The following IPO7 variants were observed in gnomAD, a reference collection of about 807,000 sequenced individuals.
The protein encoded by IPO7 is importin-7.
A neutral mutation model predicts 136.4 loss-of-function variants in IPO7; 13 were observed. That is an observed-to-expected ratio of 0.10 (90% CI 0.06 to 0.15). The LOEUF (loss-of-function observed/expected upper bound fraction) is 0.15, where lower values mean the gene tolerates loss of function less well. Ranked by LOEUF, IPO7 falls within the 10% of genes least tolerant of loss-of-function variation. IPO7 has a pLI of 1.00. For missense variants in IPO7, 857 were observed against 1,240.6 expected, an observed-to-expected ratio of 0.69 and a Z score of 4.65; for synonymous variants, 403 against 404.4, an observed-to-expected ratio of 1.00 and a Z score of 0.04.
rs777248702 is a variant in IPO7, at chr11:9,420,623, C to A, written c.831C>A (p.Ser277Arg). 1.2e-6 allele frequency: 2 copies of A among 1,611,542 alleles called. No homozygotes were observed. Reference sequence around the variant, plus strand: ...TTTGATGTTCTTTTAGATATGGAAGCCCTGGCAATGTTTCCAAGGAGTATA... The same window carrying A: ...TTTGATGTTCTTTTAGATATGGAAGACCTGGCAATGTTTCCAAGGAGTATA... ...ILARLFERYGSPGNVSKEYNE... is the reference protein window; with the variant it reads ...ILARLFERYGRPGNVSKEYNE... The change falls in exon 8 of 25, where the codon AGC becomes AGA. Residue 277 changes from serine to arginine, a missense_variant. This residue lies in a region of IPO7 where 287 missense variants were observed against 307.5 expected (regional missense o/e 0.93). Coordinates refer to ENST00000379719, the MANE Select transcript of IPO7 (RefSeq NM_006391.3).
At chr11:9,392,151 A>ATATTT in intron 1 of IPO7, 1 of 372,078 alleles carries the variant, frequency 2.7e-6, no homozygotes, top group Non-Finnish European at 5.1e-6. Flanking sequence ...GGTAGATGTC[A>ATATTT]TATTTGCCTT....
intron 4 of IPO7, among the ~76,000 whole-genome samples, chr11:9,413,298 G>T (rs891198407): frequency 1.8e-4 from 27 of 152,164 alleles, no homozygotes; most frequent in Admixed American, 1.5e-3. Flanking sequence ...GTCACATTTT[G>T]TTGCCCTATG....
chr11:9,427,548 C>T (rs1855230434), intron 12 of IPO7, among the ~76,000 whole-genome samples: 1 of 152,236 alleles, frequency 6.6e-6, no homozygotes, highest in Admixed American at 6.5e-5. Flanking sequence ...GCGTGAATCA[C>T]TGCACCCGGC....
At chr11:9,434,676 C>T (rs1292398503) in intron 18 of IPO7, among the ~76,000 whole-genome samples, 2 of 152,014 alleles carry the variant, frequency 1.3e-5, no homozygotes, top group African/African-American at 4.8e-5. Context: ...GCCTATAGTC[C>T]CAGCTACCTG....
intron 1 of IPO7, among the ~76,000 whole-genome samples, chr11:9,390,935 A>G (rs1035889839): frequency 9.2e-5 from 14 of 151,942 alleles, no homozygotes; most frequent in Non-Finnish European, 1.8e-4. Context: ...ACTCCTGGCT[A>G]ATTTTTGTAT....
At chr11:9,384,909 C>A in intron 1 of IPO7, 62 bp downstream of exon 1, 1 of 1,324,944 alleles carries the variant, frequency 7.5e-7, no homozygotes, top group Non-Finnish European at 1.1e-6. Flanking sequence ...GCAGGCCGAG[C>A]CCCCGGGGCC....
chr11:9,424,972 C>T lies in IPO7; in HGVS notation c.1200C>T (p.Ala400=), dbSNP rs1323020200. Reference sequence around the variant, plus strand: ...CTGCCCAGACACTTTTGTTTACAGCCTGTAGTAAGAGGAAAGAGGTAGGCT... The same window carrying T: ...CTGCCCAGACACTTTTGTTTACAGCTTGTAGTAAGAGGAAAGAGGTAGGCT... ...TTAAQTLLFT[A]CSKRKEVLQK... is the part of the protein sequence containing the mutation. The change falls in exon 11 of 25, where the codon GCC becomes GCT. Residue 400 remains alanine, a synonymous_variant. Transcript: ENST00000379719. 1 of 1,583,616 alleles carries T rather than the reference C, an allele frequency of 6.3e-7. No individual in the cohort carries two copies. Among genetic ancestry groups the T allele is most frequent in the Non-Finnish European group, 8.6e-7 (1 of 1,164,478 alleles).
rs192719094 is a variant in IPO7 at position 9,425,642 on chromosome 11, G to A, written c.1335+380G>A. On this transcript the variant is annotated intron_variant, in intron 12 of 24. Coordinates refer to ENST00000379719, the MANE Select transcript of IPO7 (RefSeq NM_006391.3). ...TGTAATCCCAGCATTTTGGGAGACC[G>A]AGGTGGGTGGATCATGAGGTCAGGA... 4.1e-3 allele frequency among the ~76,000 whole-genome samples: 625 copies of A among 152,220 alleles called. 4 individuals are homozygous for A. Among genetic ancestry groups the A allele is most frequent in the African/African-American group, 0.014 (589 of 41,532 alleles).
intron 24 of IPO7, 104 bp downstream of exon 24, chr11:9,442,301 A>G: frequency 1.8e-6 from 1 of 548,026 alleles, no homozygotes; most frequent in South Asian, 2.9e-5. Context: ...TTAAGATGAT[A>G]TAAAAGGTAT....
intron 1 of IPO7, among the ~76,000 whole-genome samples, chr11:9,393,780 G>T (rs986062239): frequency 1.3e-4 from 20 of 152,160 alleles, no homozygotes; most frequent in Non-Finnish European, 2.9e-5. Flanking sequence ...AAAGAAAGGG[G>T]TGTTGATACT....
intron 6 of IPO7, among the ~76,000 whole-genome samples, chr11:9,420,063 C>G (rs1418005045): frequency 6.6e-6 from 1 of 152,184 alleles, no homozygotes; most frequent in African/African-American, 2.4e-5. Context: ...GTGGCGCACG[C>G]CTGTAATCCC....
In IPO7 at chr11:9,437,983, T is replaced by C. The variant is rs2133764596; in HGVS notation, c.2489+9T>C. 6.2e-7 allele frequency: 1 copy of C among 1,606,392 alleles called. No individual in the cohort carries two copies. The highest frequency in any genetic ancestry group is 1.1e-5 in the South Asian group (1 of 89,888). On this transcript the variant is annotated intron_variant, in intron 21 of 24. Coordinates refer to ENST00000379719, the MANE Select transcript of IPO7 (RefSeq NM_006391.3). ...GTTGACTGTTTCTTGGGGTAAGTGATGTATTGCAATTTTACTACATTTGCT... is the reference window on the plus strand; with the variant it reads ...GTTGACTGTTTCTTGGGGTAAGTGACGTATTGCAATTTTACTACATTTGCT...
chr11:9,400,837 G>A lies in IPO7; in HGVS notation c.85-2453G>A, dbSNP rs560674558. Among the ~76,000 whole-genome samples the A allele has an allele frequency of 6.6e-5, 10 of 152,208 alleles. No homozygotes were observed. In the South Asian group the frequency reaches 1.2e-3, roughly 19 times the overall value. On this transcript the variant is annotated intron_variant, in intron 1 of 24. Transcript: ENST00000379719. ...CAAAGGAAAATTCTGCACCCAGCTG[G>A]AAAATTCTCTATAAGAATGTGTTTG... is the stretch of plus-strand genomic sequence containing the variant.
chr11:9,432,857 G>C (rs1425721860), intron 16 of IPO7, among the ~76,000 whole-genome samples: 1 of 152,086 alleles, frequency 6.6e-6, no homozygotes, highest in African/African-American at 2.4e-5. Context: ...GTGACTTAAG[G>C]ATTATTGAGA....
chr11:9,394,980 A>G (rs1422895914), intron 1 of IPO7, among the ~76,000 whole-genome samples: 1 of 152,244 alleles, frequency 6.6e-6, no homozygotes, highest in East Asian at 1.9e-4. Context: ...TTAATGATGT[A>G]TAATGACTCA....
intron 1 of IPO7, among the ~76,000 whole-genome samples, chr11:9,390,905 G>A (rs1416690589): frequency 5.9e-5 from 9 of 152,022 alleles, no homozygotes; most frequent in Admixed American, 5.9e-4. Context: ...GAGTAGCTGG[G>A]ACTGCAGGCG....
intron 4 of IPO7, 84 bp downstream of exon 4, chr11:9,410,170 A>G (rs570409887): frequency 2.3e-6 from 2 of 858,320 alleles, no homozygotes; most frequent in South Asian, 6.1e-5. Context: ...ATGTAAAATT[A>G]TATTTAGCAT....
chr11:9,431,737 G>C lies in IPO7; in HGVS notation c.1881+734G>C, dbSNP rs527694463. On this transcript the variant is annotated intron_variant, in intron 16 of 24. Transcript: ENST00000379719. Reference sequence around the variant, plus strand: ...GCCTGTAATCCCAGCACTTTGAGAGGCCGAGGTGGGCAGATCACCTGAGGT... The same window carrying C: ...GCCTGTAATCCCAGCACTTTGAGAGCCCGAGGTGGGCAGATCACCTGAGGT... 1.5e-4 allele frequency among the ~76,000 whole-genome samples: 23 copies of C among 152,230 alleles called. 1 individual carries two copies. In the South Asian group the frequency reaches 4.4e-3, roughly 29 times the overall value.
chr11:9,435,519 G>A (rs945174827), intron 19 of IPO7, among the ~76,000 whole-genome samples: 13 of 152,154 alleles, frequency 8.5e-5, no homozygotes, highest in South Asian at 6.2e-4. Context: ...GTTGTAGGTC[G>A]TTAGAAAATG....
Sources: gnomAD v4.1 joint callset for allele counts (sites outside exome capture counted in the v4.1 genomes callset) on GRCh38, gnomAD v4.1.1 for gene constraint, gnomAD v4.1.1 regional missense constraint, MANE v1.5 for transcripts, NCBI Gene and HGNC (gene_info 2026-07-23, HGNC 2026-07-21) for gene names.